The following DNAH5 variants were observed in gnomAD, a reference collection of about 807,000 sequenced individuals.
The protein encoded by DNAH5 is dynein axonemal heavy chain 5.
In DNAH5, 372 loss-of-function variants were observed where a neutral mutation model predicts 518.2. That is an observed-to-expected ratio of 0.72 (90% confidence interval 0.66 to 0.78). The LOEUF is 0.78. Among genes scored for constraint, DNAH5 ranks in the 30% least tolerant of loss-of-function variants. The pLI is 0.00. For synonymous variants in DNAH5, 2,039 were observed against 2,025.9 expected (o/e 1.01, Z -0.17); for missense variants, 5,523 against 5,687.0 (o/e 0.97, Z 0.93).
At position 13,786,352 on chromosome 5, in the gene DNAH5, CT is replaced by C; in HGVS notation, c.8648-2del. Reference sequence around the variant, plus strand: ...GCATCAGCCTCTTCAGATGTTTCACCTTTGGTGGGAAATAAGAATCAGTTAA... The same window carrying C: ...GCATCAGCCTCTTCAGATGTTTCACCTTGGTGGGAAATAAGAATCAGTTAA... On this transcript the variant is annotated splice_acceptor_variant, in intron 51 of 78. Coordinates refer to ENST00000265104, the MANE Select transcript of DNAH5 (RefSeq NM_001369.3). LOFTEE classifies it high-confidence loss of function. 1 of 1,613,916 alleles carries C rather than the reference CT, an allele frequency of 6.2e-7. No homozygotes were observed. Among genetic ancestry groups the C allele is most frequent in the Non-Finnish European group, 8.5e-7 (1 of 1,179,992 alleles).
intron 45 of DNAH5, among the ~76,000 whole-genome samples, chr5:13,809,416 T>A (rs1441171610): frequency 6.6e-6 from 1 of 152,196 alleles, no homozygotes; most frequent in Non-Finnish European, 1.5e-5. Context: ...TATTTTGGAA[T>A]TTTTTAAAAA....
In DNAH5 at chr5:13,754,263, C is replaced by T. The variant is rs148592658; in HGVS notation, c.10495G>A (p.Glu3499Lys). ...CTTTGCTCTGTCCATCTTTCTTTTT[C>T]ACCTGCCAAGCCACTGATGAGCGTG... ...ASTLISGLAGEKERWTEQSQE... is the reference protein window; with the variant it reads ...ASTLISGLAGKKERWTEQSQE... The change falls in exon 62 of 79, where the codon GAA becomes AAA. Residue 3499 changes from glutamate to lysine, a missense_variant. Physicochemically the swap from Glu to Lys is moderately conservative, Grantham distance 56. Coordinates refer to ENST00000265104, the MANE Select transcript of DNAH5 (RefSeq NM_001369.3). The T allele has an allele frequency of 6.2e-7, 1 of 1,614,084 alleles. No individual in the cohort carries two copies. Among genetic ancestry groups the T allele is most frequent in the Non-Finnish European group, 8.5e-7 (1 of 1,179,974 alleles).
At chr5:13,888,113 C>T (rs1440574856) in intron 17 of DNAH5, among the ~76,000 whole-genome samples, 1 of 152,180 alleles carries the variant, frequency 6.6e-6, no homozygotes, top group African/African-American at 2.4e-5. Context: ...ATGCAGAAGA[C>T]AAATCGGCCT....
In DNAH5 at chr5:13,769,481, ATG is replaced by A; in HGVS notation, c.9720+18_9720+19del. 6.3e-7 allele frequency: 1 copy of A among 1,588,358 alleles called. No homozygotes were observed. The highest frequency in any genetic ancestry group is 8.6e-7 in the Non-Finnish European group (1 of 1,156,492). On this transcript the variant is annotated intron_variant, in intron 57 of 78. Transcript: ENST00000265104. Reference sequence around the variant, plus strand: ...TGAGAATTCAAAAGGAATGTGGCACATGTGTAAATGCCCACCCACCATGTCGG... The same window carrying A: ...TGAGAATTCAAAAGGAATGTGGCACATGTAAATGCCCACCCACCATGTCGG...
intron 1 of DNAH5, among the ~76,000 whole-genome samples, chr5:13,960,913 CAAG>C (rs1337345001): frequency 6.6e-6 from 1 of 152,234 alleles, no homozygotes; most frequent in African/African-American, 2.4e-5. Context: ...CTTAGTTCCA[CAAG>C]AAGAGAGAAG....
upstream of DNAH5, among the ~76,000 whole-genome samples, chr5:13,947,139 A>G (rs1415760924): frequency 6.6e-6 from 1 of 152,242 alleles, no homozygotes; most frequent in African/African-American, 2.4e-5. Flanking sequence ...TAAATGTATA[A>G]TGACAAGTAA....
At chr5:13,722,873 CA>C (rs1745238813) in intron 70 of DNAH5, among the ~76,000 whole-genome samples, 1 of 152,210 alleles carries the variant, frequency 6.6e-6, no homozygotes, top group Non-Finnish European at 1.5e-5. Flanking sequence ...TCTGCCTTGG[CA>C]ACTATTTCTA....
At chr5:13,867,426 T>A (rs1352586546) in intron 25 of DNAH5, among the ~76,000 whole-genome samples, 1 of 152,134 alleles carries the variant, frequency 6.6e-6, no homozygotes, top group Non-Finnish European at 1.5e-5. Flanking sequence ...CTCCTTCCTG[T>A]TGCCTTGTGA....
At chr5:13,919,388 CGG>C (rs1561572768) in intron 6 of DNAH5, 36 bp from the exon 7 acceptor site, 1 of 1,610,558 alleles carries the variant, frequency 6.2e-7, no homozygotes, top group Admixed American at 1.7e-5. Context: ...AGCCATTGCA[CGG>C]GGCTGGAGAC....
intron 44 of DNAH5, chr5:13,810,604 ATT>A (rs1760515287): frequency 5.8e-6 from 1 of 172,290 alleles, no homozygotes; most frequent in African/African-American, 2.5e-5. Context: ...AAAAAAAAAA[ATT>A]AGCCGAGGGT....
At position 13,927,179 on chromosome 5, in the gene DNAH5, G is replaced by GCC. The variant is rs1194434903; in HGVS notation, c.277+913_277+914dup. Among the ~76,000 whole-genome samples, 3 of 152,268 alleles carry GCC rather than the reference G, an allele frequency of 2.0e-5. No homozygotes were observed. In the East Asian group the frequency reaches 5.8e-4, roughly 29 times the overall value. ...TCCACTTAAAAGTAGAATAGACTAT[G>GCC]CCAGTTGAATCTATAGAAAGATTTG... On this transcript the variant is annotated intron_variant, in intron 3 of 78. Transcript: ENST00000265104.
chr5:13,734,463 C>T (rs1265578296), intron 68 of DNAH5, among the ~76,000 whole-genome samples: 3 of 152,146 alleles, frequency 2.0e-5, no homozygotes, highest in Admixed American at 2.0e-4. Flanking sequence ...CCAGGGGACA[C>T]GGCTGTGAGC....
Position 13,750,054 on chromosome 5 carries a change from T to C in DNAH5, c.11211+1024A>G, listed in dbSNP as rs189157120. Among the ~76,000 whole-genome samples the C allele has an allele frequency of 8.8e-3, 1,331 of 152,058 alleles. 59 individuals carry two copies. The highest frequency in any genetic ancestry group is 0.061 in the Admixed American group (927 of 15,232). On this transcript the variant is annotated intron_variant, in intron 65 of 78. Transcript: ENST00000265104. Reference sequence around the variant, plus strand: ...CATGTGCTATAAATTAACAATAATGTTCAGGAAAAGGGAAGGGAGAGAGAA... The same window carrying C: ...CATGTGCTATAAATTAACAATAATGCTCAGGAAAAGGGAAGGGAGAGAGAA...
At chr5:13,820,844 A>T (rs905457450) in intron 40 of DNAH5, among the ~76,000 whole-genome samples, 1 of 142,952 alleles carries the variant, frequency 7.0e-6, no homozygotes, top group Non-Finnish European at 1.5e-5. Flanking sequence ...AAAAAAAAAA[A>T]CACATCAATG....
chr5:13,862,397 T>G (rs758854138), intron 29 of DNAH5, 151 bp downstream of exon 29: 32 of 730,336 alleles, frequency 4.4e-5, no homozygotes, highest in Non-Finnish European at 6.9e-5. Flanking sequence ...GTTTTGGATA[T>G]AAAAATTAAT....
intron 1 of DNAH5, among the ~76,000 whole-genome samples, chr5:14,007,536 G>A (rs1370301916): frequency 3.9e-5 from 6 of 152,166 alleles, no homozygotes; most frequent in Non-Finnish European, 8.8e-5. Flanking sequence ...TGACCTATGG[G>A]AGTCTGATCA....
chr5:13,772,463 A>G (rs1177161938), intron 55 of DNAH5, among the ~76,000 whole-genome samples: 1 of 152,228 alleles, frequency 6.6e-6, no homozygotes, highest in East Asian at 1.9e-4. Flanking sequence ...TTACAGAAAG[A>G]AGCAGAACAC....
At chr5:13,752,426 A>G (rs1750371721) in intron 63 of DNAH5, 137 bp from the exon 64 acceptor site, 3 of 1,057,848 alleles carry the variant, frequency 2.8e-6, no homozygotes, top group Non-Finnish European at 4.3e-6. Flanking sequence ...ATGTTCCCAA[A>G]TACAAAACTT....
At chr5:13,880,001 A>C (rs1477038301) in intron 21 of DNAH5, among the ~76,000 whole-genome samples, 1 of 152,176 alleles carries the variant, frequency 6.6e-6, no homozygotes, top group African/African-American at 2.4e-5. Context: ...ACACCAAGAC[A>C]CATTATAATC....
Sources: gnomAD v4.1 joint callset for allele counts (sites outside exome capture counted in the v4.1 genomes callset) on GRCh38, gnomAD v4.1.1 for gene constraint, MANE v1.5 for transcripts, NCBI Gene and HGNC (gene_info 2026-07-23, HGNC 2026-07-21) for gene names.